PHLDB3: variants seen among roughly 807,000 people sequenced by gnomAD.
The protein encoded by PHLDB3 is pleckstrin homology like domain family B member 3.
In PHLDB3, 86 loss-of-function variants were observed where a neutral mutation model predicts 85.7. The observed-to-expected ratio is 1.00, with a 90% CI of 0.84 to 1.20. The LOEUF (loss-of-function observed/expected upper bound fraction) is 1.20, where lower values mean the gene tolerates loss of function less well. Among genes scored for constraint, PHLDB3 ranks in the 50% most tolerant of loss-of-function variants. The probability of loss-of-function intolerance (pLI) is 0.00; values close to 1 mark genes in which losing one functional copy is unlikely to be tolerated. For missense variants in PHLDB3, 995 were observed against 873.0 expected (o/e 1.14, Z -1.76); for synonymous variants, 376 against 349.8 (o/e 1.07, Z -0.83).
Position 43,493,548 on chromosome 19 carries a change from C to T in PHLDB3, c.1149+1154G>A, listed in dbSNP as rs1334378523. Among the ~76,000 whole-genome samples the T allele has an allele frequency of 2.0e-5, 3 of 151,816 alleles. No homozygotes were observed. In the East Asian group the frequency reaches 5.8e-4, roughly 29 times the overall value. ...GGTCCCAGCTACTCAAGGAGGATCA[C>T]CTGAGCCTGGGAGGTTGAGGCTGCA... is the stretch of plus-strand genomic sequence containing the variant. On this transcript the variant is annotated intron_variant, in intron 9 of 15. Transcript: ENST00000292140.
At chr19:43,487,757 T>C (rs1394871814) in intron 9 of PHLDB3, among the ~76,000 whole-genome samples, 1 of 151,974 alleles carries the variant, frequency 6.6e-6, no homozygotes, top group Non-Finnish European at 1.5e-5. Flanking sequence ...ATTGTGGTAA[T>C]GTTTGCGCAA....
At chr19:43,498,012 G>T in intron 4 of PHLDB3, 136 bp from the exon 5 acceptor site, 2 of 1,336,106 alleles carry the variant, frequency 1.5e-6, no homozygotes, top group Admixed American at 2.8e-5. Context: ...CTCCTGTGCA[G>T]GCCTGCCTCA....
intron 4 of PHLDB3, among the ~76,000 whole-genome samples, chr19:43,498,856 T>C (rs1307518920): frequency 1.3e-5 from 2 of 152,074 alleles, no homozygotes; most frequent in Non-Finnish European, 2.9e-5. Context: ...CACAAATGCA[T>C]GAAAGTTGAA....
Position 43,501,748 on chromosome 19 carries a change from G to C in PHLDB3, c.520C>G (p.Gln174Glu). 6.3e-7 allele frequency: 1 copy of C among 1,583,972 alleles called. No homozygotes were observed. Among genetic ancestry groups the C allele is most frequent in the South Asian group, 1.1e-5 (1 of 87,518 alleles). Reference sequence around the variant, plus strand: ...GCCAAACAGACCTGTTCCCGCTGCTGGCGGCCGCGCTGCTCCGAGGCCGCC... The same window carrying C: ...GCCAAACAGACCTGTTCCCGCTGCTCGCGGCCGCGCTGCTCCGAGGCCGCC... ...QQAASEQRGR[Q>E]QREQEQRRLS... The change falls in exon 4 of 16, where the codon CAG becomes GAG. Residue 174 changes from glutamine (Q) to glutamate (E), a missense_variant. Transcript: ENST00000292140.
rs762422593 is a variant in PHLDB3 at position 43,497,155 on chromosome 19, T to C, written c.788A>G (p.Lys263Arg). Residue 263 changes from lysine to arginine, a missense_variant, in exon 6 of 16, where the codon AAG becomes AGG. Transcript: ENST00000292140. ...CATGCTGGCCTGGAGTTCCTGGACC[T>C]TGGGGTCTGGCACCTGGGGCCCAGG... ...DSPGPQVPDPKVQELQASMAQ... is the reference protein window; with the variant it reads ...DSPGPQVPDPRVQELQASMAQ... 8.0e-5 allele frequency: 125 copies of C among 1,555,312 alleles called. No individual in the cohort carries two copies. Among genetic ancestry groups the C allele is most frequent in the Non-Finnish European group, 1.0e-4 (117 of 1,153,860 alleles).
At chr19:43,478,210 C>G (rs761518054) in intron 14 of PHLDB3, 78 bp from the exon 15 acceptor site, 7 of 1,122,634 alleles carry the variant, frequency 6.2e-6, no homozygotes, top group Non-Finnish European at 9.3e-6. Flanking sequence ...GTCATTGGCC[C>G]TAAGTCCTGA....
intron 4 of PHLDB3, among the ~76,000 whole-genome samples, chr19:43,501,252 T>G (rs1183986859): frequency 6.8e-6 from 1 of 146,672 alleles, no homozygotes; most frequent in African/African-American, 2.5e-5. Flanking sequence ...GGTGCGATCT[T>G]GGCTCACTGC....
At chr19:43,504,550 A>G in intron 1 of PHLDB3, 39 bp downstream of exon 1, 1 of 194,490 alleles carries the variant, frequency 5.1e-6, no homozygotes, top group East Asian at 1.5e-4. Flanking sequence ...CTTAGTCCCG[A>G]CCCCACTGTG....
rs1971683206 is a variant in PHLDB3, at chr19:43,503,947, C to T, written c.172G>A (p.Glu58Lys). The change falls in exon 2 of 16, where the codon GAA (glutamate) becomes AAA (lysine). Residue 58 changes from glutamate to lysine, a missense_variant. Transcript: ENST00000292140. ...TCAGTGCTGCTGCCTTCTCCCACTT[C>T]TTCTTCCTCTGCCTGCTGCTCAGCT... ...GGAEQQAEEE[E>K]VGEGSSTESS... 6.2e-7 allele frequency: 1 copy of T among 1,613,874 alleles called. No homozygotes were observed. Among genetic ancestry groups the T allele is most frequent in the Non-Finnish European group, 8.5e-7 (1 of 1,179,806 alleles).
In PHLDB3 at chr19:43,502,250, T is replaced by C. The variant is rs763718097; in HGVS notation, c.247A>G (p.Thr83Ala). The C allele has an allele frequency of 3.2e-6, 5 of 1,564,062 alleles. No individual in the cohort carries two copies. The highest frequency in any genetic ancestry group is 1.7e-4 in the Middle Eastern group (1 of 5,968). The change falls in exon 3 of 16, where the codon ACA (threonine) becomes GCA (alanine). Residue 83 changes from threonine to alanine, a missense_variant. Thr to Ala is a moderately conservative substitution (Grantham distance 58, BLOSUM62 0). Coordinates refer to ENST00000292140, the MANE Select transcript of PHLDB3 (RefSeq NM_198850.4). ...EATPPIAMAA[T>A]PPASTSSREG... Reference sequence around the variant, plus strand: ...CGCGAAGAGGTGGATGCGGGAGGTGTGGCCGCCATAGCTATCGGAGGCGTA... The same window carrying C: ...CGCGAAGAGGTGGATGCGGGAGGTGCGGCCGCCATAGCTATCGGAGGCGTA...
At position 43,502,302 on chromosome 19, in the gene PHLDB3, T is replaced by C. The variant is rs1599965067; in HGVS notation, c.214-19A>G. The C allele has an allele frequency of 3.2e-6, 5 of 1,540,542 alleles. No individual in the cohort carries two copies. Among genetic ancestry groups the C allele is most frequent in the Non-Finnish European group, 4.4e-6 (5 of 1,147,592 alleles). On this transcript the variant is annotated intron_variant, in intron 2 of 15. Coordinates refer to ENST00000292140, the MANE Select transcript of PHLDB3 (RefSeq NM_198850.4). The stretch of plus-strand genomic sequence containing the variant: ...CCTCGGGCTGAAGTTGAGGGGGGCG[T>C]GGTTAAGTGGAGATGCCTCGCCCCC...
Position 43,475,381 on chromosome 19 carries a change from G to C in PHLDB3, c.*29C>G. On this transcript the variant is annotated 3_prime_UTR_variant, in exon 16 of 16. Coordinates refer to ENST00000292140, the MANE Select transcript of PHLDB3 (RefSeq NM_198850.4). ...CGCCCCGCGCCGGCGGAGCCTCGAA[G>C]GGACTTCCCCCCAAGAGGGCGGGGC... 2 of 1,608,808 alleles carry C rather than the reference G, an allele frequency of 1.2e-6. No homozygotes were observed. Among genetic ancestry groups the C allele is most frequent in the Non-Finnish European group, 1.7e-6 (2 of 1,176,482 alleles).
intron 9 of PHLDB3, among the ~76,000 whole-genome samples, chr19:43,492,331 C>T (rs891224764): frequency 5.9e-5 from 9 of 152,072 alleles, no homozygotes; most frequent in African/African-American, 2.2e-4. Context: ...AAGGGATCCA[C>T]CCACCTCGGC....
intron 9 of PHLDB3, among the ~76,000 whole-genome samples, chr19:43,489,373 T>A (rs554313186): frequency 6.9e-6 from 1 of 144,872 alleles, no homozygotes; most frequent in Non-Finnish European, 1.5e-5. Context: ...CTTAAAGTTT[T>A]TTTTTTTTTT....
chr19:43,486,392 C>A, intron 12 of PHLDB3, 70 bp from the exon 13 acceptor site: 1 of 1,457,726 alleles, frequency 6.9e-7, no homozygotes. Context: ...TGGAGAATGT[C>A]CTAGCTTCTC....
At chr19:43,501,132 C>A (rs1004495862) in intron 4 of PHLDB3, among the ~76,000 whole-genome samples, 2 of 150,430 alleles carry the variant, frequency 1.3e-5, no homozygotes, top group African/African-American at 4.9e-5. Context: ...GACATGGGAG[C>A]TGCCTGACTA....
intron 13 of PHLDB3, among the ~76,000 whole-genome samples, chr19:43,485,717 C>T (rs1051388510): frequency 1.3e-5 from 2 of 151,418 alleles, no homozygotes; most frequent in South Asian, 2.1e-4. Flanking sequence ...CCACCATGCC[C>T]GGCTAATTTT....
rs377345458 is a variant in PHLDB3 at position 43,486,718 on chromosome 19, G to A, written c.1341-22C>T. The A allele has an allele frequency of 3.6e-4, 585 of 1,613,702 alleles. 3 individuals carry two copies. The highest frequency in any genetic ancestry group is 9.7e-4 in the African/African-American group (73 of 75,062). Reference sequence around the variant, plus strand: ...ACAGCTAGGAGGAGGGAACACAGACGGGGTGGGTTACAGTGGCTGGGCCTC... The same window carrying A: ...ACAGCTAGGAGGAGGGAACACAGACAGGGTGGGTTACAGTGGCTGGGCCTC... On this transcript the variant is annotated intron_variant, in intron 11 of 15. Transcript: ENST00000292140.
rs199915749 is a variant in PHLDB3, at chr19:43,495,596, G to T, written c.850C>A (p.Arg284=). ...GACTTGAGCTGCTCTTCCAGGACCC[G>T]GATCCGGTGCTGCAGAGCACCCCTC... ...HRRGALQHRI[R]VLEEQLKSLG... is the part of the protein sequence containing the mutation. The change falls in exon 7 of 16, where the codon CGG becomes AGG. Residue 284 remains arginine (R), a synonymous_variant. Coordinates refer to ENST00000292140, the MANE Select transcript of PHLDB3 (RefSeq NM_198850.4). 1 of 1,609,812 alleles carries T rather than the reference G, an allele frequency of 6.2e-7. No individual in the cohort carries two copies. Among genetic ancestry groups the T allele is most frequent in the African/African-American group, 1.3e-5 (1 of 74,944 alleles).
Sources: gnomAD v4.1 joint callset for allele counts (sites outside exome capture counted in the v4.1 genomes callset) on GRCh38, gnomAD v4.1.1 for gene constraint, MANE v1.5 for transcripts, NCBI Gene and HGNC (gene_info 2026-07-23, HGNC 2026-07-21) for gene names.